The following PLEC variants were observed in gnomAD, a reference collection of about 807,000 sequenced individuals.
PLEC encodes hemidesmosomal protein 1.
In PLEC, 216 loss-of-function variants were observed where a neutral mutation model predicts 392.8. That is an observed-to-expected ratio of 0.55 (90% CI 0.49 to 0.62). The LOEUF is 0.62. Ranked by LOEUF, PLEC falls within the 20% of genes least tolerant of loss-of-function variation. The probability of loss-of-function intolerance (pLI) is 0.00; values close to 1 mark genes in which losing one functional copy is unlikely to be tolerated. For synonymous variants in PLEC, 3,621 were observed against 2,980.6 expected, an observed-to-expected ratio of 1.21 and a Z score of -7.00; for missense variants, 6,863 against 6,563.4, an observed-to-expected ratio of 1.05 and a Z score of -1.58.
rs1554717265 is a variant in PLEC, at chr8:143,932,518, C to T, written c.1859G>A (p.Ser620Asn). ...CTCCTTAGTGGCGGCTGCCACAAAG[C>T]TGTGCAAGCTCTCCAGGGACCTGAG... ...ARLRSLESLH[S>N]FVAAATKELM... Residue 620 changes from serine (S) to asparagine (N), a missense_variant, in exon 16 of 32, where the codon AGC (serine) becomes AAC (asparagine). Transcript: ENST00000345136. 6.2e-7 allele frequency: 1 copy of T among 1,612,684 alleles called. No homozygotes were observed. The highest frequency in any genetic ancestry group is 1.7e-5 in the Admixed American group (1 of 60,032).
Position 143,916,795 on chromosome 8 carries a change from G to C in PLEC, c.13026C>G (p.Asp4342Glu), listed in dbSNP as rs782439067. Residue 4342 changes from aspartate (D) to glutamate (E), a missense_variant, in exon 32 of 32, where the codon GAC (aspartate) becomes GAG (glutamate). Physicochemically the swap from Asp to Glu is conservative, Grantham distance 45 (BLOSUM62 2). Transcript: ENST00000345136. ...GGTTGATGCGGTCCACCATGATCTT[G>C]TCCACCAGGCCCTTGTTGACGGCGT... is the stretch of plus-strand genomic sequence containing the variant. ...VTDAVNKGLV[D>E]KIMVDRINLA... The C allele has an allele frequency of 2.5e-6, 4 of 1,613,304 alleles. No homozygotes were observed. In the Admixed American group the frequency reaches 5.0e-5, roughly 20 times the overall value.
chr8:143,922,496 G>T lies in PLEC; in HGVS notation c.7425+8C>A, dbSNP rs368135449. The T allele has an allele frequency of 1.9e-6, 3 of 1,607,066 alleles. No homozygotes were observed. Among genetic ancestry groups the T allele is most frequent in the Non-Finnish European group, 2.5e-6 (3 of 1,179,984 alleles). On this transcript the variant is annotated splice_region_variant and intron_variant, in intron 31 of 31. Transcript: ENST00000345136. ...CCACCCGCCCGTCGCACGTAGAGGG[G>T]GCGGTACCTCCTCAGACTTGAGCTG...
upstream of PLEC, among the ~76,000 whole-genome samples, chr8:143,974,678 C>T (rs530244008): frequency 5.3e-5 from 8 of 152,314 alleles, no homozygotes; most frequent in South Asian, 8.3e-4. This position sits in a 1 kb window ranked among gnomAD's most constrained non-coding sequence, Gnocchi z 5.9. Context: ...CTCTAGGTCA[C>T]CCACTTCCCT....
At chr8:143,975,065 G>A (rs1833610716), upstream of PLEC, 6 of 1,220,394 alleles carry the variant, frequency 4.9e-6, no homozygotes, top group South Asian at 1.3e-5. The surrounding 1 kb of genome is among the most constrained non-coding windows in gnomAD (Gnocchi z 9.9). Context: ...GTGACCCGCA[G>A]ATCCCCCTAG....
chr8:143,937,936 G>A (rs1338752757), intron 3 of PLEC, among the ~76,000 whole-genome samples: 1 of 152,064 alleles, frequency 6.6e-6, no homozygotes, highest in Non-Finnish European at 1.5e-5. Context: ...CGAGGGTTGC[G>A]GCCACTCCCA....
rs782426860 is a variant in PLEC at position 143,932,809 on chromosome 8, C to T, written c.1721G>A (p.Arg574Gln). Residue 574 changes from arginine to glutamine, a missense_variant, in exon 14 of 32, where the codon CGG becomes CAG. Arg to Gln is a conservative substitution (Grantham distance 43). Coordinates refer to ENST00000345136, the MANE Select transcript of PLEC (RefSeq NM_201384.3). ...SIEEFRAKIERARSDEGQLSP... is the reference protein window; with the variant it reads ...SIEEFRAKIEQARSDEGQLSP... ...GCCACCCACCTCGTCACTCCGTGCC[C>T]GCTCGATCTTGGCCCGGAATTCTTC... The T allele has an allele frequency of 3.3e-5, 54 of 1,612,306 alleles. No individual in the cohort carries two copies. Among genetic ancestry groups the T allele is most frequent in the East Asian group, 8.9e-5 (4 of 44,878 alleles).
rs1822244595 is a variant in PLEC, at chr8:143,920,535, G to A, written c.9286C>T (p.Leu3096=). The part of the protein sequence containing the change: ...LVGPEFHEKL[L]SAEKAVTGYR... ...CCTGTCACAGCCTTCTCGGCTGATA[G>A]CAGCTTCTCATGAAACTCGGGGCCC... Residue 3096 remains leucine (L), a synonymous_variant, in exon 32 of 32, where the codon CTA becomes TTA. Coordinates refer to ENST00000345136, the MANE Select transcript of PLEC (RefSeq NM_201384.3). 4 of 1,611,558 alleles carry A rather than the reference G, an allele frequency of 2.5e-6. No homozygotes were observed. The South Asian group carries it at 4.4e-5, about 18-fold the overall frequency.
chr8:143,973,455 G>C lies in PLEC; in HGVS notation c.18C>G (p.Pro6=), dbSNP rs376768928. The stretch of plus-strand genomic sequence containing the variant: ...AGGCCTGGATGAAGTCCTGCTCGTC[G>C]GGCAGCGGGCCGGCCATGCCGGCGG... Residue 6 remains proline (P), a synonymous_variant, in exon 1 of 32, where the codon CCC becomes CCG. Transcript: ENST00000356346. This position sits in a 1 kb window ranked among gnomAD's most constrained non-coding sequence, Gnocchi z 5.6. The C allele has an allele frequency of 5.3e-6, 8 of 1,517,384 alleles. No homozygotes were observed. The East Asian group carries it at 1.4e-4, about 26-fold the overall frequency. 94.0% of individuals were successfully genotyped at this position (1,517,384 alleles called of 1,614,324 possible). A position where few individuals can be genotyped will look rare whatever the true frequency, so the allele number is the denominator to read the frequency against.
rs377077999 is a variant in PLEC, at chr8:143,921,446, A to G, written c.8375T>C (p.Met2792Thr). Residue 2792 changes from methionine (M) to threonine (T), a missense_variant, in exon 32 of 32, where the codon ATG becomes ACG. By Grantham distance (81) the Met-to-Thr change is moderately conservative. Coordinates refer to ENST00000345136, the MANE Select transcript of PLEC (RefSeq NM_201384.3). ...TGQQISLFQA[M>T]QKGLIVREHG... ...CTCCCGGACGATGAGGCCCTTCTGC[A>G]TGGCTTGGAAGAGAGAGATCTGCTG... 8 of 1,613,278 alleles carry G rather than the reference A, an allele frequency of 5.0e-6. No homozygotes were observed. Among genetic ancestry groups the G allele is most frequent in the East Asian group, 2.2e-5 (1 of 44,874 alleles).
rs186006056 is a variant in PLEC, at chr8:143,938,344, G to A, written c.175-104C>T. 198 of 1,536,280 alleles carry A rather than the reference G, an allele frequency of 1.3e-4. 2 individuals are homozygous for A. In the Middle Eastern group the frequency reaches 6.5e-3, roughly 51 times the overall value. ...GTGCTGGTCCCAGAGGGAAGGAGGCGGGGGCTGAGTCTCCCGGGAGCCCAC... is the reference window on the plus strand; with the variant it reads ...GTGCTGGTCCCAGAGGGAAGGAGGCAGGGGCTGAGTCTCCCGGGAGCCCAC... On this transcript the variant is annotated intron_variant, in intron 2 of 31. Transcript: ENST00000345136.
chr8:143,927,559 C>T lies in PLEC; in HGVS notation c.3607G>A (p.Glu1203Lys), dbSNP rs1416611970. The T allele has an allele frequency of 8.2e-6, 13 of 1,593,134 alleles. No individual in the cohort carries two copies. Among genetic ancestry groups the T allele is most frequent in the Admixed American group, 3.4e-5 (2 of 59,368 alleles). Residue 1203 changes from glutamate to lysine, a missense_variant, in exon 27 of 32, where the codon GAG (glutamate) becomes AAG (lysine). By Grantham distance (56) the Glu-to-Lys change is moderately conservative (BLOSUM62 1). Transcript: ENST00000345136. The part of the protein sequence containing the change: ...AQTDVRQREL[E>K]QLGRQLRYYR... ...TAACGCAGCTGGCGGCCCAGTTGCT[C>T]GAGCTCGCGCTGCCGCACGTCGGTC...
At chr8:143,958,493 A>C (rs755986031), upstream of PLEC, 3 of 307,144 alleles carry the variant, frequency 9.8e-6, no homozygotes, top group South Asian at 2.4e-5. This position sits in a 1 kb window ranked among gnomAD's most constrained non-coding sequence, Gnocchi z 4.9. Context: ...GTTCCCAAAT[A>C]TCTCTCAAAC....
chr8:143,975,181 G>A (rs1554745607), upstream of PLEC: 1 of 1,599,314 alleles, frequency 6.3e-7, no homozygotes, highest in South Asian at 1.1e-5. The surrounding 1 kb of genome is among the most constrained non-coding windows in gnomAD (Gnocchi z 9.9). Context: ...AGTTACCTGC[G>A]ATGCGAATGA....
intron 1 of PLEC, among the ~76,000 whole-genome samples, chr8:143,946,134 AG>A (rs1484788824): frequency 6.6e-6 from 1 of 152,174 alleles, no homozygotes; most frequent in Non-Finnish European, 1.5e-5. Flanking sequence ...GGCAGCGGGC[AG>A]TTCTTCTACC....
At chr8:143,950,756 T>C in exon 1 of PLEC, 2 of 1,537,938 alleles carry the variant, frequency 1.3e-6, no homozygotes, top group Non-Finnish European at 1.7e-6. Context: ...GCAGGCAGGG[T>C]ACCACGAGAA....
At chr8:143,946,465 G>C in intron 1 of PLEC, 1 of 1,133,856 alleles carries the variant, frequency 8.8e-7, no homozygotes, top group Non-Finnish European at 1.2e-6. Flanking sequence ...GGAAGGGGTG[G>C]GAGGCAGAGG....
intron 22 of PLEC, 45 bp downstream of exon 22, chr8:143,929,891 C>A (rs782734326): frequency 1.2e-6 from 2 of 1,603,596 alleles, no homozygotes; most frequent in South Asian, 2.2e-5. Context: ...CAACGCCTCT[C>A]CCCTCCTCCC....
rs1829956982 is a variant in PLEC at position 143,939,373 on chromosome 8, A to G, written c.89T>C (p.Leu30Pro). 6.2e-7 allele frequency: 1 copy of G among 1,612,402 alleles called. No individual in the cohort carries two copies. Among genetic ancestry groups the G allele is most frequent in the Admixed American group, 1.7e-5 (1 of 59,950 alleles). Residue 30 changes from leucine (L) to proline (P), a missense_variant, in exon 1 of 32, where the codon CTC becomes CCC. By Grantham distance (98) the Leu-to-Pro change is moderately conservative. Coordinates refer to ENST00000345136, the MANE Select transcript of PLEC (RefSeq NM_201384.3). ...SSEDNLYLAV[L>P]RASEGKKDER... ...ACCTTTCTTGCCCTCAGAGGCCCTG[A>G]GCACAGCCAGGTACAGGTTGTCCTC...
Position 143,932,871 on chromosome 8 carries a change from C to T in PLEC, c.1659G>A (p.Ala553=), listed in dbSNP as rs782251763. ...GCAGGCCTCGGTGGCTGCCCAGCTG[C>T]GCCTCCACGCTGGGCAGGTCCACAC... is the stretch of plus-strand genomic sequence containing the variant. ...EWGVDLPSVE[A]QLGSHRGLHQ... Residue 553 remains alanine (A), a synonymous_variant, in exon 14 of 32, where the codon GCG becomes GCA. Coordinates refer to ENST00000345136, the MANE Select transcript of PLEC (RefSeq NM_201384.3). 1.1e-5 allele frequency: 18 copies of T among 1,611,042 alleles called. No homozygotes were observed. Among genetic ancestry groups the T allele is most frequent in the Middle Eastern group, 1.6e-4 (1 of 6,082 alleles).
Sources: gnomAD v4.1 joint callset for allele counts (sites outside exome capture counted in the v4.1 genomes callset) on GRCh38, gnomAD v4.1.1 for gene constraint, Gnocchi (gnomAD v3.1) non-coding constraint, MANE v1.5 for transcripts, NCBI Gene and HGNC (gene_info 2026-07-23, HGNC 2026-07-21) for gene names.